Variants in ANKRD16 observed in about 807,000 individuals in gnomAD.
The protein encoded by ANKRD16 is ankyrin repeat domain 16.
A neutral mutation model predicts 37.9 loss-of-function variants in ANKRD16; 35 were observed. The observed-to-expected ratio is 0.92, with a 90% confidence interval of 0.71 to 1.23. The LOEUF (loss-of-function observed/expected upper bound fraction) is 1.23. ANKRD16 is among the 50% of genes most tolerant of loss of function. The pLI, the probability that ANKRD16 is intolerant of heterozygous loss-of-function variation, is 0.00. For synonymous variants in ANKRD16, 206 were observed against 197.2 expected (o/e 1.04, Z -0.37); for missense variants, 480 against 469.9 (o/e 1.02, Z -0.20).
At chr10:5,879,971 C>T (rs1333246272) in intron 6 of ANKRD16, among the ~76,000 whole-genome samples, 1 of 151,896 alleles carries the variant, frequency 6.6e-6, no homozygotes, top group Non-Finnish European at 1.5e-5. Context: ...CCAGCCTGGC[C>T]AACATAGGGA....
Position 5,866,069 on chromosome 10 carries a change from A to C in ANKRD16, c.*34-3378T>G, listed in dbSNP as rs1178890090. On this transcript the variant is annotated intron_variant, in intron 7 of 7. Coordinates refer to ENST00000380094, the MANE Select transcript of ANKRD16 (RefSeq NM_019046.3). This position sits in a 1 kb window ranked among gnomAD's most constrained non-coding sequence, Gnocchi z 4.3. ...GCTATCAAAATAATACAAGGAAAGG[A>C]TCTCACTGTCTGGACTACTCATGAT... 3.9e-5 allele frequency among the ~76,000 whole-genome samples: 6 copies of C among 152,112 alleles called. No homozygotes were observed. The highest frequency in any genetic ancestry group is 1.4e-4 in the African/African-American group (6 of 41,396).
chr10:5,878,817 C>T lies in ANKRD16; in HGVS notation c.929-530G>A, dbSNP rs370344546. On this transcript the variant is annotated intron_variant, in intron 6 of 7. Transcript: ENST00000380094. The surrounding 1 kb of genome is among the most constrained non-coding windows in gnomAD (Gnocchi z 5.1). ...AAAAAAAAAAGAAAAAGAAACTTAT[C>T]TAAAGCAAGAAGCAACAGAGCAAGT... Among the ~76,000 whole-genome samples, 1 of 151,050 alleles carries T rather than the reference C, an allele frequency of 6.6e-6. No homozygotes were observed. Among genetic ancestry groups the T allele is most frequent in the African/African-American group, 2.4e-5 (1 of 41,136 alleles).
Position 5,878,292 on chromosome 10 carries a change from G to A in ANKRD16, c.929-5C>T, listed in dbSNP as rs762368319. On this transcript the variant is annotated splice_polypyrimidine_tract_variant and splice_region_variant and intron_variant, in intron 6 of 7. Coordinates refer to ENST00000380094, the MANE Select transcript of ANKRD16 (RefSeq NM_019046.3). This position sits in a 1 kb window ranked among gnomAD's most constrained non-coding sequence, Gnocchi z 5.1. Reference sequence around the variant, plus strand: ...CTGCACAGGCCAGATGCAGGGCTGAGGGGTGACAAAAATCACATGGACTTA... The same window carrying A: ...CTGCACAGGCCAGATGCAGGGCTGAAGGGTGACAAAAATCACATGGACTTA... The A allele has an allele frequency of 6.2e-7, 1 of 1,610,840 alleles. No homozygotes were observed. The highest frequency in any genetic ancestry group is 8.5e-7 in the Non-Finnish European group (1 of 1,178,658).
chr10:5,863,009 C>A lies in ANKRD16; in HGVS notation c.*34-318G>T, dbSNP rs1841963491. Among the ~76,000 whole-genome samples the A allele has an allele frequency of 6.6e-6, 1 of 152,150 alleles. No individual in the cohort carries two copies. On this transcript the variant is annotated intron_variant, in intron 7 of 7. Coordinates refer to ENST00000380094, the MANE Select transcript of ANKRD16 (RefSeq NM_019046.3). This position sits in a 1 kb window ranked among gnomAD's most constrained non-coding sequence, Gnocchi z 4.7. Reference sequence around the variant, plus strand: ...TGAATTCTGACTTTCCACCTACTGTCCCGGAGCAGCTGACTGTGGTGGAGA... The same window carrying A: ...TGAATTCTGACTTTCCACCTACTGTACCGGAGCAGCTGACTGTGGTGGAGA...
chr10:5,881,436 A>ATT (rs879691099), intron 5 of ANKRD16, among the ~76,000 whole-genome samples: 259 of 21,026 alleles, frequency 0.012, 4 homozygotes, highest in South Asian at 0.076. Flanking sequence ...TAAAAATATT[A>ATT]TTTATATATA....
rs779251478 is a variant in ANKRD16, at chr10:5,889,217, G to A, written c.138C>T (p.Arg46=). 1.3e-6 allele frequency: 2 copies of A among 1,594,128 alleles called. No homozygotes were observed. Among genetic ancestry groups the A allele is most frequent in the African/African-American group, 1.3e-5 (1 of 74,750 alleles). ...AGGCCAGCACGTCCCGATGCCCGTG[G>A]CGCGCGGCGCAGTGCAGGAGGGTAT... The part of the protein sequence containing the change: ...AGDTLLHCAA[R]HGHRDVLAYL... Residue 46 remains arginine (R), a synonymous_variant, in exon 1 of 8, where the codon CGC becomes CGT. Transcript: ENST00000380094.
At chr10:5,879,509 CT>C (rs1277672191) in intron 6 of ANKRD16, among the ~76,000 whole-genome samples, 2 of 151,916 alleles carry the variant, frequency 1.3e-5, no homozygotes, top group Non-Finnish European at 2.9e-5. Flanking sequence ...GCAAGATGGC[CT>C]TTGGCTCACA....
rs114818989 is a variant in ANKRD16, at chr10:5,872,516, C to T, written c.*33+5581G>A. Among the ~76,000 whole-genome samples, 839 of 152,128 alleles carry T rather than the reference C, an allele frequency of 5.5e-3. 5 individuals are homozygous for T. The highest frequency in any genetic ancestry group is 0.018 in the African/African-American group (734 of 41,520). On this transcript the variant is annotated intron_variant, in intron 7 of 7. Coordinates refer to ENST00000380094, the MANE Select transcript of ANKRD16 (RefSeq NM_019046.3). ...AAACAAAGTTAAGGGAAAAACTGCA[C>T]GTGCAGCATCAGCTCAACCGTATGC...
chr10:5,863,761 C>T lies in ANKRD16; in HGVS notation c.*34-1070G>A, dbSNP rs1372742178. On this transcript the variant is annotated intron_variant, in intron 7 of 7. Coordinates refer to ENST00000380094, the MANE Select transcript of ANKRD16 (RefSeq NM_019046.3). This position sits in a 1 kb window ranked among gnomAD's most constrained non-coding sequence, Gnocchi z 4.7. ...GCTTCATTCCTGAAGTCAGCAAGAC[C>T]ACAAACCCACTGGGAAGAACAAACA... 2.6e-5 allele frequency among the ~76,000 whole-genome samples: 4 copies of T among 152,130 alleles called. No homozygotes were observed. Among genetic ancestry groups the T allele is most frequent in the African/African-American group, 7.2e-5 (3 of 41,398 alleles).
chr10:5,889,078 G>T lies in ANKRD16; in HGVS notation c.277C>A (p.Arg93=). The change falls in exon 1 of 8, where the codon CGG becomes AGG. Residue 93 remains arginine, a synonymous_variant. Transcript: ENST00000380094. Reference sequence around the variant, plus strand: ...TTCAGGCAGTCGACCGCTGCCCCCCGGCCCAGCAGGTAGCGCACGCAGTCT... The same window carrying T: ...TTCAGGCAGTCGACCGCTGCCCCCCTGCCCAGCAGGTAGCGCACGCAGTCT... ...HRDCVRYLLG[R]GAAVDCLKKA... is the part of the protein sequence containing the mutation. 1 of 1,565,808 alleles carries T rather than the reference G, an allele frequency of 6.4e-7. No individual in the cohort carries two copies. The highest frequency in any genetic ancestry group is 1.4e-5 in the African/African-American group (1 of 72,996).
At position 5,889,151 on chromosome 10, in the gene ANKRD16, G is replaced by C. The variant is rs1842532005; in HGVS notation, c.204C>G (p.Asn68Lys). ...EAWGMDIEAT[N>K]RDYKRPLHEA... ...CGTGCAGAGGCCGCTTGTAGTCTCG[G>C]TTGGTGGCCTCGATGTCCATGCCCC... The change falls in exon 1 of 8, where the codon AAC becomes AAG. Residue 68 changes from asparagine (N) to lysine (K), a missense_variant. Physicochemically the swap from Asn to Lys is moderately conservative, Grantham distance 94. Coordinates refer to ENST00000380094, the MANE Select transcript of ANKRD16 (RefSeq NM_019046.3). 6.3e-7 allele frequency: 1 copy of C among 1,598,762 alleles called. No homozygotes were observed. Among genetic ancestry groups the C allele is most frequent in the Non-Finnish European group, 8.5e-7 (1 of 1,179,484 alleles).
rs748427002 is a variant in ANKRD16 at position 5,889,261 on chromosome 10, A to G, written c.94T>C (p.Cys32Arg). Residue 32 changes from cysteine (C) to arginine (R), a missense_variant, in exon 1 of 8, where the codon TGC (cysteine) becomes CGC (arginine). Transcript: ENST00000380094. ...AGGGTATCCCCGGCCGGCCCCGGGC[A>G]GCCCCCGGCCGCCTGCAGCTCCTCC... ...LKEELQAAGG[C>R]PGPAGDTLLH... The G allele has an allele frequency of 4.0e-6, 6 of 1,491,276 alleles. No homozygotes were observed. In the African/African-American group the frequency reaches 7.3e-5, roughly 18 times the overall value. The allele number at this position is 1,491,276 out of a possible 1,614,324, so 92.4% of individuals were successfully genotyped here. A position where few individuals can be genotyped will look rare whatever the true frequency, so the allele number is the denominator to read the frequency against.
rs1447804731 is a variant in ANKRD16, at chr10:5,878,320, A to T, written c.929-33T>A. On this transcript the variant is annotated intron_variant, in intron 6 of 7. Coordinates refer to ENST00000380094, the MANE Select transcript of ANKRD16 (RefSeq NM_019046.3). This position sits in a 1 kb window ranked among gnomAD's most constrained non-coding sequence, Gnocchi z 5.1. ...GTGACAAAAATCACATGGACTTAAA[A>T]CACAATCCCTGGAGCAATACTGACC... is the stretch of plus-strand genomic sequence containing the variant. 2 of 1,599,230 alleles carry T rather than the reference A, an allele frequency of 1.3e-6. No homozygotes were observed. The highest frequency in any genetic ancestry group is 3.4e-5 in the Admixed American group (2 of 58,824).
intron 7 of ANKRD16, among the ~76,000 whole-genome samples, chr10:5,873,180 C>T (rs1453559009): frequency 1.3e-5 from 2 of 152,098 alleles, no homozygotes; most frequent in Non-Finnish European, 2.9e-5. Context: ...CAGTCGCATG[C>T]CACCATGCCC....
chr10:5,881,790 C>T (rs1466022266), intron 5 of ANKRD16, among the ~76,000 whole-genome samples: 1 of 151,474 alleles, frequency 6.6e-6, no homozygotes, highest in African/African-American at 2.4e-5. Flanking sequence ...CAGGTTCACA[C>T]CATTCTCCTG....
Position 5,878,038 on chromosome 10 carries a change from T to G in ANKRD16, c.*33+59A>C. The G allele has an allele frequency of 1.3e-6, 2 of 1,511,522 alleles. No individual in the cohort carries two copies. Among genetic ancestry groups the G allele is most frequent in the South Asian group, 2.6e-5 (2 of 77,244 alleles). The allele number at this position is 1,511,522 out of a possible 1,614,324, so 93.6% of individuals were successfully genotyped here. ...GGAGGAAGTGGAGGAGATGGAAAAC[T>G]GGCTTCCAACTGGTTTCGCTGAATC... On this transcript the variant is annotated intron_variant, in intron 7 of 7. Coordinates refer to ENST00000380094, the MANE Select transcript of ANKRD16 (RefSeq NM_019046.3). The surrounding 1 kb of genome is among the most constrained non-coding windows in gnomAD (Gnocchi z 5.1).
At position 5,866,627 on chromosome 10, in the gene ANKRD16, C is replaced by A. The variant is rs1842017078; in HGVS notation, c.*34-3936G>T. Among the ~76,000 whole-genome samples, 1 of 152,222 alleles carries A rather than the reference C, an allele frequency of 6.6e-6. No individual in the cohort carries two copies. The highest frequency in any genetic ancestry group is 6.5e-5 in the Admixed American group (1 of 15,284). On this transcript the variant is annotated intron_variant, in intron 7 of 7. Coordinates refer to ENST00000380094, the MANE Select transcript of ANKRD16 (RefSeq NM_019046.3). The surrounding 1 kb of genome is among the most constrained non-coding windows in gnomAD (Gnocchi z 4.3). Reference sequence around the variant, plus strand: ...ACCACATTAAATATCACAAGGAAATCATGGAGTTATTGCACGCAGTGCAAA... The same window carrying A: ...ACCACATTAAATATCACAAGGAAATAATGGAGTTATTGCACGCAGTGCAAA...
chr10:5,879,784 T>C (rs1842257199), intron 6 of ANKRD16, among the ~76,000 whole-genome samples: 1 of 65,070 alleles, frequency 1.5e-5, no homozygotes, highest in Admixed American at 2.0e-4. Flanking sequence ...GTGGCAGTCA[T>C]CATCACTGTT....
chr10:5,871,598 T>C lies in ANKRD16; in HGVS notation c.*33+6499A>G, dbSNP rs1047201625. Among the ~76,000 whole-genome samples, 6 of 152,192 alleles carry C rather than the reference T, an allele frequency of 3.9e-5. No homozygotes were observed. Among genetic ancestry groups the C allele is most frequent in the Admixed American group, 1.3e-4 (2 of 15,280 alleles). The stretch of plus-strand genomic sequence containing the variant: ...TTGAATGAGGCGCCCACGTGGGCTC[T>C]GCCCTGAACTTTTCTTCCTTCTTGC... On this transcript the variant is annotated intron_variant, in intron 7 of 7. Transcript: ENST00000380094. The surrounding 1 kb of genome is among the most constrained non-coding windows in gnomAD (Gnocchi z 4.5).
Sources: gnomAD v4.1 joint callset for allele counts (sites outside exome capture counted in the v4.1 genomes callset) on GRCh38, gnomAD v4.1.1 for gene constraint, Gnocchi (gnomAD v3.1) non-coding constraint, MANE v1.5 for transcripts, NCBI Gene and HGNC (gene_info 2026-07-23, HGNC 2026-07-21) for gene names.